The following ASB15 variants were observed in gnomAD, a reference collection of about 807,000 sequenced individuals.
ASB15 encodes ankyrin repeat and SOCS box protein 15.
Under a neutral mutation model 58.0 loss-of-function variants are expected in ASB15, and 54 were observed. The ratio of observed to expected loss-of-function variants is 0.93; its 90% CI spans 0.75 to 1.17. ASB15 has a LOEUF of 1.17. ASB15 is among the 50% of genes most tolerant of loss of function. The pLI, the probability that ASB15 is intolerant of heterozygous loss-of-function variation, is 0.00. For missense variants in ASB15, 680 were observed against 707.4 expected (o/e 0.96, Z 0.44); for synonymous variants, 249 against 262.4 (o/e 0.95, Z 0.50).
At chr7:123,586,558 A>G (rs937884026) in intron 1 of ASB15, among the ~76,000 whole-genome samples, 8 of 151,106 alleles carry the variant, frequency 5.3e-5, no homozygotes, top group Non-Finnish European at 8.9e-5. Context: ...TTAAAATTTG[A>G]TTTGCTTGTA....
chr7:123,617,410 G>A (rs1800890287), intron 6 of ASB15, among the ~76,000 whole-genome samples, 169 bp from the exon 7 acceptor site: 2 of 152,140 alleles, frequency 1.3e-5, no homozygotes, highest in Admixed American at 1.3e-4. Flanking sequence ...AAGTCCATGT[G>A]CATCTACTTT....
intron 1 of ASB15, among the ~76,000 whole-genome samples, chr7:123,567,468 G>C (rs1562904074): frequency 1.3e-5 from 2 of 152,192 alleles, no homozygotes; most frequent in African/African-American, 2.4e-5. Flanking sequence ...AAGAGCTCTT[G>C]TTTATCCAAA....
chr7:123,572,230 C>T (rs997659913), intron 1 of ASB15, among the ~76,000 whole-genome samples: 4 of 141,884 alleles, frequency 2.8e-5, no homozygotes, highest in Non-Finnish European at 6.0e-5. Flanking sequence ...CAACCTCTGC[C>T]TCCTGGGTTC....
At chr7:123,609,228 C>T (rs1218500866) in intron 3 of ASB15, 1 of 152,058 alleles carries the variant, frequency 6.6e-6, no homozygotes, top group African/African-American at 2.4e-5. Context: ...AAATTGTATT[C>T]TATTGACCCT....
intron 1 of ASB15, among the ~76,000 whole-genome samples, chr7:123,587,748 A>C (rs1166618991): frequency 1.3e-5 from 2 of 151,774 alleles, no homozygotes; most frequent in Admixed American, 1.3e-4. Context: ...AATATCAAAA[A>C]AGATGTTGAT....
chr7:123,620,507 C>CAT (rs1395766241), intron 7 of ASB15, among the ~76,000 whole-genome samples: 501 of 29,556 alleles, frequency 0.017, 1 homozygote, highest in Non-Finnish European at 0.019. Flanking sequence ...CATATACATA[C>CAT]ATATATATAT....
chr7:123,598,495 C>T (rs112790564), upstream of ASB15, among the ~76,000 whole-genome samples: 2 of 151,676 alleles, frequency 1.3e-5, no homozygotes, highest in African/African-American at 2.4e-5. Context: ...GTACTTTGTT[C>T]GCAAAAGGAA....
chr7:123,619,169 G>A (rs1014995689), intron 7 of ASB15, among the ~76,000 whole-genome samples: 3 of 108,610 alleles, frequency 2.8e-5, no homozygotes, highest in African/African-American at 1.1e-4. Flanking sequence ...GACAGAGAGA[G>A]ACGCCGTCTC....
intron 7 of ASB15, among the ~76,000 whole-genome samples, chr7:123,619,717 G>T (rs1350199843): frequency 1.3e-5 from 2 of 152,104 alleles, no homozygotes; most frequent in East Asian, 1.9e-4. Context: ...TAGAGATGGG[G>T]TTTCACCGTG....
intron 1 of ASB15, among the ~76,000 whole-genome samples, chr7:123,573,426 G>A (rs1798973097): frequency 6.6e-6 from 1 of 151,520 alleles, no homozygotes; most frequent in Non-Finnish European, 1.5e-5. Flanking sequence ...CTATAACTAA[G>A]TCTTATTTGT....
rs1398308687 is a variant in ASB15, at chr7:123,638,345, C to G, written c.*1364C>G. The G allele has an allele frequency of 6.6e-6, 1 of 152,122 alleles. No individual in the cohort carries two copies. The highest frequency in any genetic ancestry group is 1.5e-5 in the Non-Finnish European group (1 of 68,036). 9.4% of individuals were successfully genotyped at this position (152,122 alleles called of 1,614,324 possible). ...TGGATGTCTACCTTTCCTCCTTTCC[C>G]TTGAACCTTCTAGAATTTTATTTTT... On this transcript the variant is annotated 3_prime_UTR_variant, in exon 12 of 12. Transcript: ENST00000451215.
At chr7:123,576,157 A>G (rs945518348) in intron 1 of ASB15, among the ~76,000 whole-genome samples, 8 of 149,112 alleles carry the variant, frequency 5.4e-5, no homozygotes, top group Non-Finnish European at 1.0e-4. Context: ...TCTTATTTTC[A>G]TCTTCTATAT....
chr7:123,579,494 T>C (rs1003974284), intron 1 of ASB15, among the ~76,000 whole-genome samples: 11 of 152,112 alleles, frequency 7.2e-5, no homozygotes, highest in African/African-American at 2.4e-4. Context: ...TCTCTATAAA[T>C]AGTCTCAAAA....
At chr7:123,634,066 G>A (rs141086774) in intron 11 of ASB15, among the ~76,000 whole-genome samples, 3 of 152,118 alleles carry the variant, frequency 2.0e-5, no homozygotes, top group African/African-American at 7.2e-5. Context: ...AAGTTTAAGT[G>A]TACATGTGCA....
chr7:123,600,879 G>A (rs1226501580), upstream of ASB15, among the ~76,000 whole-genome samples: 9 of 152,264 alleles, frequency 5.9e-5, no homozygotes, highest in East Asian at 1.9e-4. Flanking sequence ...AAACAAAAGC[G>A]TGTAGTGCTC....
chr7:123,589,280 T>C (rs1288552554), intron 1 of ASB15, among the ~76,000 whole-genome samples: 1 of 149,838 alleles, frequency 6.7e-6, no homozygotes, highest in Non-Finnish European at 1.5e-5. Flanking sequence ...CACTTCATCA[T>C]TATATAATGA....
chr7:123,596,175 A>C (rs1799686428), intron 1 of ASB15, among the ~76,000 whole-genome samples: 1 of 152,166 alleles, frequency 6.6e-6, no homozygotes, highest in African/African-American at 2.4e-5. Flanking sequence ...TATTGGAAAA[A>C]AAAATTGGGG....
chr7:123,597,917 CGTGTGTGTGT>C (rs61508655), upstream of ASB15, among the ~76,000 whole-genome samples: 26 of 133,070 alleles, frequency 2.0e-4, no homozygotes, highest in Admixed American at 5.3e-4. Flanking sequence ...TTTCAAACTT[CGTGTGTGTGT>C]GTGTGTGTGT....
chr7:123,582,537 C>T (rs936665478), intron 1 of ASB15, among the ~76,000 whole-genome samples: 2 of 151,956 alleles, frequency 1.3e-5, no homozygotes, highest in African/African-American at 4.8e-5. Flanking sequence ...TCTGTAGGTT[C>T]CTCAATGCGT....
Sources: gnomAD v4.1 joint callset for allele counts (sites outside exome capture counted in the v4.1 genomes callset) on GRCh38, gnomAD v4.1.1 for gene constraint, MANE v1.5 for transcripts, NCBI Gene and HGNC (gene_info 2026-07-23, HGNC 2026-07-21) for gene names.